ZNF585B: variants seen among roughly 807,000 people sequenced by gnomAD.
The protein encoded by ZNF585B is zinc finger protein 585B.
In ZNF585B, 7 loss-of-function variants were observed where a neutral mutation model predicts 14.0. The observed-to-expected ratio is 0.50, with a 90% confidence interval of 0.28 to 0.94. The LOEUF is 0.94. ZNF585B is among the 40% of genes least tolerant of loss of function. The probability of loss-of-function intolerance (pLI) is 0.09; values close to 1 mark genes in which losing one functional copy is unlikely to be tolerated. For missense variants in ZNF585B, 750 were observed against 924.4 expected (o/e 0.81, Z 2.45); for synonymous variants, 290 against 317.3 (o/e 0.91, Z 0.91).
In ZNF585B at chr19:37,187,091, A is replaced by G. The variant is rs773697115; in HGVS notation, c.446T>C (p.Leu149Pro). The part of the protein sequence containing the change: ...FTWKSQFKVH[L>P]KVPTGEKLYV... ...GAGTTTTTCTCCTGTAGGAACTTTC[A>G]GATGTACCTTGAACTGTGACTTCCA... The change falls in exon 5 of 5, where the codon CTG becomes CCG. Residue 149 changes from leucine (L) to proline (P), a missense_variant. Leu to Pro is a moderately conservative substitution (Grantham distance 98). Around this residue, in one of 2 missense-constraint regions of ZNF585B, gnomAD observed 517 missense variants for 570.3 expected, o/e 0.91. Transcript: ENST00000532828. 4.3e-6 allele frequency: 7 copies of G among 1,613,956 alleles called. No individual in the cohort carries two copies. Among genetic ancestry groups the G allele is most frequent in the Non-Finnish European group, 5.9e-6 (7 of 1,180,018 alleles).
rs1972270624 is a variant in ZNF585B at position 37,181,931 on chromosome 19, T to C, written c.*3296A>G. ...CTGTAATAATGCATACATGTCATTA[T>C]TCATTTGTCTCAACCCACAGAATGC... On this transcript the variant is annotated 3_prime_UTR_variant, in exon 5 of 5. Coordinates refer to ENST00000532828, the MANE Select transcript of ZNF585B (RefSeq NM_152279.4). 1 of 152,156 alleles carries C rather than the reference T, an allele frequency of 6.6e-6. No individual in the cohort carries two copies. The highest frequency in any genetic ancestry group is 2.4e-5 in the African/African-American group (1 of 41,430). 9.4% of individuals were successfully genotyped at this position (152,156 alleles called of 1,614,324 possible). A position where few individuals can be genotyped will look rare whatever the true frequency, so the allele number is the denominator to read the frequency against.
chr19:37,193,096 C>T (rs1306904390), intron 2 of ZNF585B, among the ~76,000 whole-genome samples: 1 of 152,084 alleles, frequency 6.6e-6, no homozygotes, highest in South Asian at 2.1e-4. Context: ...GATTGCGCCA[C>T]TGCATTCCAG....
chr19:37,190,327 C>A, intron 2 of ZNF585B, 177 bp from the exon 3 acceptor site: 1 of 746,554 alleles, frequency 1.3e-6, no homozygotes. Flanking sequence ...CTTACTGCAA[C>A]CTCCACCTCC....
chr19:37,204,366 G>T (rs1475763553), intron 2 of ZNF585B, among the ~76,000 whole-genome samples: 2 of 152,186 alleles, frequency 1.3e-5, no homozygotes, highest in African/African-American at 4.8e-5. Flanking sequence ...AACCTGGCAA[G>T]GGCCAGCTAA....
At position 37,187,709 on chromosome 19, in the gene ZNF585B, T is replaced by C. The variant is rs571999460; in HGVS notation, c.293-465A>G. On this transcript the variant is annotated intron_variant, in intron 4 of 4. Transcript: ENST00000532828. The stretch of plus-strand genomic sequence containing the variant: ...GGGATAATAAGTCACTTTTTGCTTA[T>C]AGAGCAGCTAGCAGAGGCTAGAGGG... Among the ~76,000 whole-genome samples the C allele has an allele frequency of 9.4e-4, 143 of 152,208 alleles. 1 individual carries two copies. Among genetic ancestry groups the C allele is most frequent in the Non-Finnish European group, 1.6e-3 (111 of 68,010 alleles).
intron 2 of ZNF585B, among the ~76,000 whole-genome samples, chr19:37,201,519 T>C (rs1029302112): frequency 4.6e-5 from 7 of 152,202 alleles, no homozygotes; most frequent in African/African-American, 1.7e-4. Context: ...AGATATCAAA[T>C]TCTATATCCT....
At position 37,181,872 on chromosome 19, in the gene ZNF585B, G is replaced by T. The variant is rs1397227905; in HGVS notation, c.*3355C>A. On this transcript the variant is annotated 3_prime_UTR_variant, in exon 5 of 5. Coordinates refer to ENST00000532828, the MANE Select transcript of ZNF585B (RefSeq NM_152279.4). Reference sequence around the variant, plus strand: ...TTAGAGGAGTAGGCGAAACACAGAGGATTATTGGGACAGTGAAACGGCTCT... The same window carrying T: ...TTAGAGGAGTAGGCGAAACACAGAGTATTATTGGGACAGTGAAACGGCTCT... The T allele has an allele frequency of 6.6e-6, 1 of 152,164 alleles. No homozygotes were observed. Among genetic ancestry groups the T allele is most frequent in the Non-Finnish European group, 1.5e-5 (1 of 68,034 alleles). The allele number at this position is 152,164 out of a possible 1,614,324, so 9.4% of individuals were successfully genotyped here.
Position 37,207,191 on chromosome 19 carries a change from G to A in ZNF585B, c.-80C>T, listed in dbSNP as rs1052921510. The A allele has an allele frequency of 1.3e-5, 21 of 1,593,888 alleles. No homozygotes were observed. The highest frequency in any genetic ancestry group is 1.2e-4 in the Admixed American group (7 of 58,028). The stretch of plus-strand genomic sequence containing the variant: ...TCTGTGAACTCAGCAGAGCTGCTCC[G>A]AAGAGGTGGGCTGGAGTCTGGAGGA... On this transcript the variant is annotated 5_prime_UTR_variant, in exon 2 of 5. Transcript: ENST00000532828.
Sources: allele counts gnomAD v4.1 joint callset (sites outside exome capture counted in the v4.1 genomes callset), GRCh38; gene constraint gnomAD v4.1.1; regional missense constraint gnomAD v4.1.1; transcripts MANE v1.5; gene names NCBI Gene and HGNC (gene_info 2026-07-23, HGNC 2026-07-21).